POTEF: variants seen among roughly 807,000 people sequenced by gnomAD.
POTEF encodes the protein POTE ankyrin domain family member F, also known as ANKRD26-like family C member 1B.
A neutral mutation model predicts 83.2 loss-of-function variants in POTEF; 20 were observed. That is an observed-to-expected ratio of 0.24 (90% CI 0.17 to 0.35). The LOEUF (loss-of-function observed/expected upper bound fraction) is 0.35. POTEF is among the 10% of genes least tolerant of loss of function. The pLI, the probability that POTEF is intolerant of heterozygous loss-of-function variation, is 1.00. For synonymous variants in POTEF, 196 were observed against 446.4 expected (o/e 0.44, Z 7.07); for missense variants, 550 against 1,203.2 (o/e 0.46, Z 8.03).
intron 3 of POTEF, among the ~76,000 whole-genome samples, chr2:130,119,398 C>T (rs1466051589): frequency 6.6e-6 from 1 of 151,954 alleles, no homozygotes; most frequent in African/African-American, 2.4e-5. Context: ...AATCTCCTGA[C>T]CTCATGATCC....
Position 130,120,178 on chromosome 2 carries a change from C to G in POTEF, c.338G>C (p.Ser113Thr). 2 of 1,603,760 alleles carry G rather than the reference C, an allele frequency of 1.2e-6. No homozygotes were observed. The highest frequency in any genetic ancestry group is 8.5e-7 in the Non-Finnish European group (1 of 1,176,986). The change falls in exon 3 of 17, where the codon AGC becomes ACC. Residue 113 changes from serine to threonine, a missense_variant. Coordinates refer to ENST00000409914, the MANE Select transcript of POTEF (RefSeq NM_001099771.2). ...CHCFPCCRGS[S>T]KSKVGAWGDY... ...TCCCCAAGCGCCCACCTTGCTCTTG[C>G]TGCTCCCCCTGCAGCAGGGGAAGCA...
intron 3 of POTEF, among the ~76,000 whole-genome samples, chr2:130,117,703 T>C (rs868700078): frequency 4.0e-5 from 6 of 151,824 alleles, no homozygotes; most frequent in Middle Eastern, 3.2e-3. Context: ...ATATGGGTTC[T>C]TCTAAATACA....
intron 1 of POTEF, among the ~76,000 whole-genome samples, chr2:130,128,725 A>C (rs1222755642): frequency 1.3e-5 from 2 of 148,792 alleles, no homozygotes; most frequent in African/African-American, 2.5e-5. Flanking sequence ...ACCCGACAAC[A>C]CTCCTAAACC....
chr2:130,105,904 C>G (rs1684512920), intron 8 of POTEF, among the ~76,000 whole-genome samples: 1 of 149,656 alleles, frequency 6.7e-6, no homozygotes, highest in African/African-American at 2.5e-5. Context: ...GCCTCAGAAA[C>G]AGAAATGTTT....
intron 2 of POTEF, among the ~76,000 whole-genome samples, chr2:130,121,031 C>A (rs1459343915): frequency 6.6e-6 from 1 of 150,762 alleles, no homozygotes; most frequent in Non-Finnish European, 1.5e-5. Context: ...CGCGTGCAAG[C>A]CGTTACAGGC....
At chr2:130,119,147 A>C (rs1684927459) in intron 3 of POTEF, among the ~76,000 whole-genome samples, 1 of 151,678 alleles carries the variant, frequency 6.6e-6, no homozygotes, top group South Asian at 2.1e-4. Flanking sequence ...AAAAGTGATA[A>C]ATAGAAAAAG....
At chr2:130,113,542 G>A (rs111376657) in intron 5 of POTEF, among the ~76,000 whole-genome samples, 2,640 of 111,454 alleles carry the variant, frequency 0.024, 273 homozygotes, top group African/African-American at 0.084. Context: ...TGTTGTTGTT[G>A]TTGTTAGAGA....
At chr2:130,075,812 A>G (rs1279177710) in intron 16 of POTEF, among the ~76,000 whole-genome samples, 1 of 147,342 alleles carries the variant, frequency 6.8e-6, no homozygotes, top group Non-Finnish European at 1.5e-5. Context: ...TAAATTCCTA[A>G]AAGTTTAAAT....
chr2:130,128,495 C>T (rs1363303908), intron 1 of POTEF, among the ~76,000 whole-genome samples: 8 of 143,416 alleles, frequency 5.6e-5, no homozygotes, highest in African/African-American at 1.3e-4. Context: ...GTGTAGCCCC[C>T]GGACAGCACA....
intron 2 of POTEF, among the ~76,000 whole-genome samples, chr2:130,125,696 A>C (rs992173715): frequency 6.6e-6 from 1 of 152,062 alleles, no homozygotes; most frequent in African/African-American, 2.4e-5. Context: ...ACCTGAGGTC[A>C]GGTGTTCTAG....
chr2:130,113,932 C>A (rs1164921651), intron 5 of POTEF, among the ~76,000 whole-genome samples: 1 of 151,706 alleles, frequency 6.6e-6, no homozygotes, highest in African/African-American at 2.4e-5. Flanking sequence ...TGATTTTCCC[C>A]GGTAAGAGAA....
chr2:130,122,086 G>A (rs1447501129), intron 2 of POTEF, among the ~76,000 whole-genome samples: 8 of 149,592 alleles, frequency 5.3e-5, no homozygotes, highest in East Asian at 2.0e-4. Flanking sequence ...ATATAGTTAC[G>A]TGTGACTTAC....
chr2:130,094,756 C>A (rs2104792892), intron 11 of POTEF, among the ~76,000 whole-genome samples: 1 of 48,926 alleles, frequency 2.0e-5, no homozygotes, highest in East Asian at 6.0e-4. Flanking sequence ...CCACTGCACT[C>A]CAGCCTGGGC....
In POTEF at chr2:130,075,245, T is replaced by A. The variant is rs769686983; in HGVS notation, c.2227A>T (p.Met743Leu). Residue 743 changes from methionine (M) to leucine (L), a missense_variant, in exon 17 of 17, where the codon ATG (methionine) becomes TTG (leucine). Physicochemically the swap from Met to Leu is conservative, Grantham distance 15 (BLOSUM62 2). Transcript: ENST00000409914. ...TCTTTCTGATGCATGCCCCCCATCA[T>A]GCCCTGCTGCCTGGGGCGCCCCACG... is the stretch of plus-strand genomic sequence containing the variant. ...SIVGRPRQQG[M>L]MGGMHQKESY... 16 of 1,612,368 alleles carry A rather than the reference T, an allele frequency of 9.9e-6. No individual in the cohort carries two copies. The South Asian group carries it at 1.6e-4, about 17-fold the overall frequency.
chr2:130,095,717 CA>C (rs1684224577), intron 11 of POTEF, among the ~76,000 whole-genome samples: 1 of 69,990 alleles, frequency 1.4e-5, no homozygotes. Context: ...GCGTTGATGT[CA>C]AGATACAAAT....
chr2:130,074,855 G>A lies in POTEF; in HGVS notation c.2617C>T (p.His873Tyr), dbSNP rs368978604. The change falls in exon 17 of 17, where the codon CAT becomes TAT. Residue 873 changes from histidine to tyrosine, a missense_variant. Transcript: ENST00000409914. ...GCCAGGTCTAGGCGCAGGGTGGCATGGGGGAGGGCATTCCCCTCATAGATG... is the reference window on the plus strand; with the variant it reads ...GCCAGGTCTAGGCGCAGGGTGGCATAGGGGAGGGCATTCCCCTCATAGATG... ...VPIYEGNALPHATLRLDLAGR... is the reference protein window; with the variant it reads ...VPIYEGNALPYATLRLDLAGR... 3 of 1,542,090 alleles carry A rather than the reference G, an allele frequency of 1.9e-6. No homozygotes were observed. Among genetic ancestry groups the A allele is most frequent in the Admixed American group, 1.8e-5 (1 of 54,974 alleles).
intron 8 of POTEF, among the ~76,000 whole-genome samples, chr2:130,102,739 G>C (rs371126302): frequency 6.6e-6 from 1 of 151,170 alleles, no homozygotes. Flanking sequence ...CATACTATTC[G>C]CAAGTTCCTG....
At chr2:130,101,302 A>C (rs527689640) in intron 9 of POTEF, among the ~76,000 whole-genome samples, 1 of 150,868 alleles carries the variant, frequency 6.6e-6, no homozygotes, top group South Asian at 2.1e-4. Context: ...TGATAGTGTT[A>C]TGTATCCAGA....
intron 3 of POTEF, among the ~76,000 whole-genome samples, chr2:130,117,032 AATGG>A (rs1684863137): frequency 6.7e-6 from 1 of 149,686 alleles, no homozygotes; most frequent in African/African-American, 2.5e-5. Context: ...GGATTGAAAG[AATGG>A]ATGAACACAG....
Sources: gnomAD v4.1 joint callset for allele counts (sites outside exome capture counted in the v4.1 genomes callset) on GRCh38, gnomAD v4.1.1 for gene constraint, MANE v1.5 for transcripts, NCBI Gene and HGNC (gene_info 2026-07-23, HGNC 2026-07-21) for gene names.